MAF: variants seen among roughly 807,000 people sequenced by gnomAD.
The protein encoded by MAF is MAF bZIP transcription factor.
In MAF, 10 loss-of-function variants were observed where a neutral mutation model predicts 22.0. The ratio of observed to expected loss-of-function variants is 0.45; its 90% confidence interval spans 0.28 to 0.77. The LOEUF is 0.77. MAF is among the 30% of genes least tolerant of loss of function. The pLI is 0.12. For missense variants in MAF, 544 were observed against 548.4 expected (o/e 0.99, Z 0.08); for synonymous variants, 337 against 255.8 (o/e 1.32, Z -3.03).
chr16:79,382,981 A>T, the MAF span, among the ~76,000 whole-genome samples: 3 of 152,234 alleles, frequency 2.0e-5, no homozygotes, highest in Admixed American at 6.5e-5. Context: ...TCATTCATCC[A>T]TTCAATATTT....
the MAF span, among the ~76,000 whole-genome samples, chr16:79,497,197 T>C: frequency 6.6e-6 from 1 of 152,206 alleles, no homozygotes; most frequent in African/African-American, 2.4e-5. Context: ...AAAGGATTAA[T>C]TGACCTCTCC....
chr16:79,287,019 C>T, the MAF span, among the ~76,000 whole-genome samples: 7 of 152,192 alleles, frequency 4.6e-5, 1 homozygote, highest in Admixed American at 1.3e-4. Flanking sequence ...GCGTCCCCTT[C>T]GCGTTATGTC....
chr16:79,574,645 C>A, the MAF span, among the ~76,000 whole-genome samples: 1 of 152,056 alleles, frequency 6.6e-6, no homozygotes, highest in East Asian at 1.9e-4. Flanking sequence ...GCAGGGCAAT[C>A]GGGGGAATGT....
the MAF span, among the ~76,000 whole-genome samples, chr16:79,339,064 AT>A: frequency 1.4e-4 from 21 of 151,564 alleles, no homozygotes; most frequent in Non-Finnish European, 2.4e-4. Flanking sequence ...TTTATTTTTT[AT>A]TTTTTAATTT....
At chr16:79,427,727 A>G in the MAF span, among the ~76,000 whole-genome samples, 5 of 152,012 alleles carry the variant, frequency 3.3e-5, no homozygotes, top group African/African-American at 1.2e-4. Flanking sequence ...CTGGCCCAGT[A>G]TTCTCCTCTG....
the MAF span, chr16:79,212,279 G>A: frequency 8.4e-7 from 1 of 1,188,602 alleles, no homozygotes; most frequent in Non-Finnish European, 1.1e-6. Context: ...TCCTGACCAA[G>A]ACTGAGCCAG....
the MAF span, among the ~76,000 whole-genome samples, chr16:79,272,125 A>G: frequency 6.6e-6 from 1 of 152,176 alleles, no homozygotes; most frequent in Admixed American, 6.5e-5. Context: ...AGTGGGCAGC[A>G]GGCGGGGGCC....
chr16:79,543,341 T>C, the MAF span, among the ~76,000 whole-genome samples: 1 of 152,196 alleles, frequency 6.6e-6, no homozygotes, highest in Non-Finnish European at 1.5e-5. Context: ...ACCATGACCC[T>C]GGTCAAGTGC....
chr16:79,410,949 T>G, the MAF span, among the ~76,000 whole-genome samples: 1 of 152,192 alleles, frequency 6.6e-6, no homozygotes, highest in Non-Finnish European at 1.5e-5. Flanking sequence ...GGACCTGACC[T>G]GAATTTAGGA....
At chr16:79,454,727 G>A in the MAF span, among the ~76,000 whole-genome samples, 560 of 152,210 alleles carry the variant, frequency 3.7e-3, 3 homozygotes, top group African/African-American at 0.013. Flanking sequence ...GGTCAATTCA[G>A]CATGGTGACC....
chr16:79,258,380 C>G, the MAF span, among the ~76,000 whole-genome samples: 1,432 of 152,312 alleles, frequency 9.4e-3, 28 homozygotes, highest in African/African-American at 0.033. Context: ...AATCCAGCCC[C>G]AGACAGGAGT....
chr16:79,515,608 T>C, the MAF span, among the ~76,000 whole-genome samples: 1 of 152,202 alleles, frequency 6.6e-6, no homozygotes, highest in Non-Finnish European at 1.5e-5. Flanking sequence ...TTTCAGTGCA[T>C]GGTTTATAAA....
the MAF span, among the ~76,000 whole-genome samples, chr16:79,435,785 C>T: frequency 6.6e-6 from 1 of 152,128 alleles, no homozygotes; most frequent in South Asian, 2.1e-4. Context: ...CGTTATTTGT[C>T]CATGTAGATT....
At chr16:79,262,688 G>C in the MAF span, among the ~76,000 whole-genome samples, 6,000 of 152,256 alleles carry the variant, frequency 0.039, 168 homozygotes, top group Non-Finnish European at 0.064. Flanking sequence ...TGTAAGAGCA[G>C]AATCTGCTCT....
chr16:79,456,263 C>T, the MAF span, among the ~76,000 whole-genome samples: 22 of 152,010 alleles, frequency 1.4e-4, no homozygotes, highest in Non-Finnish European at 1.9e-4. Context: ...TTATGGGGAG[C>T]GATCTAATTA....
chr16:79,243,969 G>T, the MAF span, among the ~76,000 whole-genome samples: 1 of 151,802 alleles, frequency 6.6e-6, no homozygotes, highest in Admixed American at 6.6e-5. Context: ...AAAAAACCAC[G>T]TGTTTATCTC....
the MAF span, among the ~76,000 whole-genome samples, chr16:79,307,633 G>A: frequency 6.6e-6 from 1 of 152,172 alleles, no homozygotes; most frequent in Non-Finnish European, 1.5e-5. Context: ...TCTGGCAAAT[G>A]TTTAAACAGA....
chr16:79,596,125 C>T (rs1913509235), intron 1 of MAF: 2 of 1,062,318 alleles, frequency 1.9e-6, no homozygotes, highest in Non-Finnish European at 2.3e-6. Context: ...TGTCCGGCTC[C>T]TCTGTCTATG....
chr16:79,553,376 A>G, the MAF span, among the ~76,000 whole-genome samples: 4 of 152,348 alleles, frequency 2.6e-5, no homozygotes, highest in South Asian at 8.3e-4. Flanking sequence ...AGAGACCCAT[A>G]GAGGAGGGGC....
Sources: allele counts gnomAD v4.1 joint callset (sites outside exome capture counted in the v4.1 genomes callset), GRCh38; gene constraint gnomAD v4.1.1; transcripts MANE v1.5; gene names NCBI Gene and HGNC (gene_info 2026-07-23, HGNC 2026-07-21).